The following TULP4 variants were observed in gnomAD, a reference collection of about 807,000 sequenced individuals.
The protein encoded by TULP4 is TUB like protein 4, also known as tubby-related protein 4.
In TULP4, 16 loss-of-function variants were observed where a neutral mutation model predicts 129.0. The observed-to-expected ratio is 0.12, with a 90% confidence interval of 0.08 to 0.19. The LOEUF is 0.19. TULP4 is among the 10% of genes least tolerant of loss of function. The pLI, the probability that TULP4 is intolerant of heterozygous loss-of-function variation, is 1.00. For missense variants in TULP4, 1,842 were observed against 2,059.1 expected, an observed-to-expected ratio of 0.89 and a Z score of 2.04; for synonymous variants, 998 against 854.0, an observed-to-expected ratio of 1.17 and a Z score of -2.94.
chr6:158,434,965 G>A (rs1778719163), intron 3 of TULP4, among the ~76,000 whole-genome samples: 1 of 152,142 alleles, frequency 6.6e-6, no homozygotes, highest in Non-Finnish European at 1.5e-5. Flanking sequence ...CTGCCAGTCT[G>A]GGGGAGCTCC....
At chr6:158,368,724 C>A (rs577282691) in intron 1 of TULP4, among the ~76,000 whole-genome samples, 132 of 152,244 alleles carry the variant, frequency 8.7e-4, no homozygotes, top group African/African-American at 2.5e-3. Context: ...GGGTATACAG[C>A]CTGGGGATGG....
intron 1 of TULP4, among the ~76,000 whole-genome samples, chr6:158,359,519 C>T (rs1410288426): frequency 6.6e-6 from 1 of 152,172 alleles, no homozygotes; most frequent in Non-Finnish European, 1.5e-5. Flanking sequence ...AGGAAGCGTC[C>T]AGCACGGGAG....
At chr6:158,255,219 G>C (rs1012703449) in intron 1 of TULP4, among the ~76,000 whole-genome samples, 1 of 152,158 alleles carries the variant, frequency 6.6e-6, no homozygotes, top group Non-Finnish European at 1.5e-5. Context: ...TCTCTTGGCA[G>C]TTGTAGACAC....
chr6:158,341,696 C>T (rs1205408852), intron 1 of TULP4, among the ~76,000 whole-genome samples: 1 of 151,950 alleles, frequency 6.6e-6, no homozygotes, highest in Non-Finnish European at 1.5e-5. Context: ...TACCTGATGG[C>T]CATTTGTATG....
intron 8 of TULP4, among the ~76,000 whole-genome samples, chr6:158,486,546 C>A (rs1345585796): frequency 1.3e-5 from 2 of 150,610 alleles, no homozygotes; most frequent in Non-Finnish European, 3.0e-5. Flanking sequence ...GAGCAAGACT[C>A]GTCTCAAAAA....
chr6:158,239,632 T>G (rs867139825), intron 1 of TULP4, among the ~76,000 whole-genome samples: 5 of 28,294 alleles, frequency 1.8e-4, no homozygotes, highest in South Asian at 1.4e-3. Context: ...GCTGGCCGGG[T>G]GGGGGGCTGA....
chr6:158,444,219 CAAAAAAAAAA>C (rs71030171), intron 3 of TULP4, among the ~76,000 whole-genome samples: 5 of 34,144 alleles, frequency 1.5e-4, no homozygotes, highest in East Asian at 2.8e-3. Context: ...GACTCTGTCT[CAAAAAAAAAA>C]AAAAAAAAAA....
chr6:158,296,460 G>C (rs774671477), intron 1 of TULP4, among the ~76,000 whole-genome samples: 31 of 152,036 alleles, frequency 2.0e-4, no homozygotes, highest in Non-Finnish European at 4.1e-4. Flanking sequence ...TTTTATTAAG[G>C]GTTTCAAAAG....
At chr6:158,244,236 T>G (rs1040261579) in intron 1 of TULP4, among the ~76,000 whole-genome samples, 3 of 152,156 alleles carry the variant, frequency 2.0e-5, no homozygotes, top group Non-Finnish European at 2.9e-5. Context: ...TGATGAGATG[T>G]TTCAGGTTCG....
At chr6:158,441,186 C>T (rs1192843579) in intron 3 of TULP4, among the ~76,000 whole-genome samples, 5 of 151,954 alleles carry the variant, frequency 3.3e-5, no homozygotes, top group Admixed American at 2.0e-4. Flanking sequence ...CGATGGTGCA[C>T]GGCTGTAATC....
In TULP4 at chr6:158,237,414, G is replaced by A. The variant is rs1004102659; in HGVS notation, n.68+5111G>A. The A allele has an allele frequency of 5.0e-6, 8 of 1,603,348 alleles. No homozygotes were observed. In the East Asian group the frequency reaches 1.8e-4, roughly 36 times the overall value. ...TTGCTGGAGCCCCTGCAGGTCTCTG[G>A]TGTCTTGGGGGTATGATGTTACTTG... is the stretch of plus-strand genomic sequence containing the variant. On this transcript the variant is annotated intron_variant and non_coding_transcript_variant, in intron 1 of 1. Coordinates refer to the TULP4 transcript ENST00000620026.
At chr6:158,345,587 GGAGTGGGT>G (rs1187220892) in intron 1 of TULP4, among the ~76,000 whole-genome samples, 6 of 152,316 alleles carry the variant, frequency 3.9e-5, no homozygotes, top group African/African-American at 7.2e-5. Context: ...TTTCAAAAGG[GGAGTGGGT>G]GTAAGAACAG....
rs1020591585 is a variant in TULP4 at position 158,503,920 on chromosome 6, C to T, written c.4257C>T (p.Leu1419=). The change falls in exon 13 of 14, where the codon CTC becomes CTT. Residue 1419 remains leucine, a synonymous_variant. Transcript: ENST00000367097. The surrounding 1 kb of genome is among the most constrained non-coding windows in gnomAD (Gnocchi z 4.3). Reference sequence around the variant, plus strand: ...AGCTGTTCATCAGCGGGGATGAGCTCATGAACCAGAGCCAGGGCAGCAGAA... The same window carrying T: ...AGCTGTTCATCAGCGGGGATGAGCTTATGAACCAGAGCCAGGGCAGCAGAA... ...EPELFISGDE[L]MNQSQGSRKG... 1.9e-6 allele frequency: 3 copies of T among 1,614,022 alleles called. No homozygotes were observed. The Admixed American group carries it at 5.0e-5, about 27-fold the overall frequency.
chr6:158,275,476 C>G (rs1778628519), intron 1 of TULP4, among the ~76,000 whole-genome samples: 1 of 152,190 alleles, frequency 6.6e-6, no homozygotes, highest in Non-Finnish European at 1.5e-5. Context: ...TCATATTCTC[C>G]TGGCACTGAT....
chr6:158,447,104 G>A (rs1779066891), intron 3 of TULP4, among the ~76,000 whole-genome samples: 1 of 152,150 alleles, frequency 6.6e-6, no homozygotes, highest in African/African-American at 2.4e-5. Flanking sequence ...GTGGCAATGG[G>A]TACAGCTTAG....
Position 158,267,968 on chromosome 6 carries a change from A to T in TULP4, n.68+35665A>T, listed in dbSNP as rs369795124. Among the ~76,000 whole-genome samples the T allele has an allele frequency of 1.6e-3, 245 of 150,698 alleles. 2 individuals carry two copies. The highest frequency in any genetic ancestry group is 5.1e-3 in the African/African-American group (210 of 41,110). ...CTCACTCTGTTTTCCACAGGTTTTTAAAATTTTTTTTTGTTCTTTTACATT... is the reference window on the plus strand; with the variant it reads ...CTCACTCTGTTTTCCACAGGTTTTTTAAATTTTTTTTTGTTCTTTTACATT... On this transcript the variant is annotated intron_variant and non_coding_transcript_variant, in intron 1 of 1. Coordinates refer to the TULP4 transcript ENST00000620026.
intron 1 of TULP4, among the ~76,000 whole-genome samples, chr6:158,373,362 A>T (rs934103057): frequency 6.6e-6 from 1 of 152,026 alleles, no homozygotes; most frequent in East Asian, 1.9e-4. Context: ...GCTGTTCACC[A>T]CCTCTTGTCC....
chr6:158,255,988 G>C (rs1206711846), intron 1 of TULP4, among the ~76,000 whole-genome samples: 2 of 151,074 alleles, frequency 1.3e-5, no homozygotes, highest in Non-Finnish European at 3.0e-5. Context: ...TAAGGATTTT[G>C]GTCTTTATCG....
At chr6:158,433,664 G>A (rs368248994) in intron 3 of TULP4, among the ~76,000 whole-genome samples, 11 of 152,248 alleles carry the variant, frequency 7.2e-5, no homozygotes, top group African/African-American at 2.2e-4. Context: ...CCGAGATGGC[G>A]CCATTGCACT....
Sources: gnomAD v4.1 joint callset for allele counts (sites outside exome capture counted in the v4.1 genomes callset) on GRCh38, gnomAD v4.1.1 for gene constraint, Gnocchi (gnomAD v3.1) non-coding constraint, MANE v1.5 for transcripts, NCBI Gene and HGNC (gene_info 2026-07-23, HGNC 2026-07-21) for gene names.